RBM27: variants seen among roughly 807,000 people sequenced by gnomAD.
The protein encoded by RBM27 is RNA-binding protein 27.
A neutral mutation model predicts 135.3 loss-of-function variants in RBM27; 22 were observed. The ratio of observed to expected loss-of-function variants is 0.16; its 90% CI spans 0.12 to 0.23. RBM27 has a LOEUF of 0.23. RBM27 is among the 10% of genes least tolerant of loss of function. The pLI is 1.00. For missense variants in RBM27, 1,009 were observed against 1,281.0 expected (o/e 0.79, Z 3.24); for synonymous variants, 481 against 442.4 (o/e 1.09, Z -1.10).
intron 12 of RBM27, 51 bp from the exon 13 acceptor site, chr5:146,261,459 A>G (rs1319352255): frequency 1.3e-6 from 2 of 1,483,506 alleles, no homozygotes; most frequent in Non-Finnish European, 1.9e-6. Context: ...GTCATAATTT[A>G]TTTAACTATT....
intron 1 of RBM27, among the ~76,000 whole-genome samples, chr5:146,209,709 TG>T (rs1755855917): frequency 1.3e-5 from 2 of 152,178 alleles, no homozygotes; most frequent in Admixed American, 1.3e-4. Flanking sequence ...ATAAGTATTT[TG>T]GAGGTATATT....
rs780328127 is a variant in RBM27, at chr5:146,267,748, G to A, written c.2431G>A (p.Glu811Lys). Residue 811 changes from glutamate to lysine, a missense_variant, in exon 15 of 21, where the codon GAA (glutamate) becomes AAA (lysine). By Grantham distance (56) the Glu-to-Lys change is moderately conservative. Transcript: ENST00000265271. ...AGGGTCTAAATCTCATGATGTTCAA[G>A]AAGTGCTTAAAAAAAAACAGGTAAC... is the stretch of plus-strand genomic sequence containing the variant. Reference protein sequence around the residue: ...CSGSKSHDVQEVLKKKQEAMK... With the variant: ...CSGSKSHDVQKVLKKKQEAMK... The A allele has an allele frequency of 4.4e-6, 7 of 1,603,720 alleles. No individual in the cohort carries two copies. The highest frequency in any genetic ancestry group is 5.9e-6 in the Non-Finnish European group (7 of 1,176,736).
At chr5:146,211,030 T>C (rs1414723410) in intron 1 of RBM27, among the ~76,000 whole-genome samples, 3 of 152,106 alleles carry the variant, frequency 2.0e-5, no homozygotes, top group African/African-American at 7.2e-5. Flanking sequence ...CCCAGCACTT[T>C]AGGAGGCTGA....
intron 8 of RBM27, among the ~76,000 whole-genome samples, chr5:146,243,920 T>C (rs561070402): frequency 1.3e-5 from 2 of 152,168 alleles, no homozygotes; most frequent in South Asian, 4.1e-4. Flanking sequence ...ACTAGGAATA[T>C]ACAGATGAAT....
At chr5:146,250,940 C>T (rs1385274625) in intron 8 of RBM27, among the ~76,000 whole-genome samples, 1 of 151,880 alleles carries the variant, frequency 6.6e-6, no homozygotes, top group East Asian at 1.9e-4. Context: ...CGACGCCCAG[C>T]TAATTTTTGT....
At chr5:146,227,056 A>AT (rs1390085273) in intron 3 of RBM27, among the ~76,000 whole-genome samples, 3 of 152,180 alleles carry the variant, frequency 2.0e-5, no homozygotes, top group Non-Finnish European at 4.4e-5. Flanking sequence ...GGGATTACCC[A>AT]TTTTAACTTT....
chr5:146,212,116 C>T (rs1755985481), intron 1 of RBM27, among the ~76,000 whole-genome samples: 3 of 151,752 alleles, frequency 2.0e-5, no homozygotes, highest in African/African-American at 7.2e-5. Context: ...AGTGCAGTGG[C>T]GCAATCTCGA....
At chr5:146,276,177 G>T (rs1759084545) in intron 19 of RBM27, among the ~76,000 whole-genome samples, 1 of 150,092 alleles carries the variant, frequency 6.7e-6, no homozygotes, top group Admixed American at 6.7e-5. Flanking sequence ...CACCTCTCCA[G>T]TTTTTTTTTG....
chr5:146,211,484 TTTTTTTTTTTACTTTGAGA>T (rs1755949901), intron 1 of RBM27, among the ~76,000 whole-genome samples: 1 of 136,518 alleles, frequency 7.3e-6, no homozygotes, highest in Admixed American at 7.7e-5. Context: ...TTTTTTTTTT[TTTTTTTTTTTACTTTGAGA>T]GGAGTTTCGC....
chr5:146,263,667 T>C (rs1349535860), intron 14 of RBM27, 36 bp downstream of exon 14: 8 of 1,604,354 alleles, frequency 5.0e-6, no homozygotes, highest in Non-Finnish European at 6.8e-6. Flanking sequence ...ATATTTAGAA[T>C]CATTCAGTGA....
intron 19 of RBM27, among the ~76,000 whole-genome samples, chr5:146,281,213 G>A (rs1226993438): frequency 6.6e-6 from 1 of 151,990 alleles, no homozygotes; most frequent in African/African-American, 2.4e-5. Context: ...TGTTTTAAAT[G>A]GCCCCCGAAT....
In RBM27 at chr5:146,286,011, C is replaced by A; in HGVS notation, c.3164C>A (p.Ser1055Tyr). ...DDDEDEDEYE[S>Y]RSWRR is the part of the protein sequence containing the mutation. ...GATGAAGATGAAGATGAATATGAGT[C>A]TCGCTCATGGCGAAGATGAAATCTG... The change falls in exon 21 of 21, where the codon TCT (serine) becomes TAT (tyrosine). Residue 1055 changes from serine (S) to tyrosine (Y), a missense_variant. Coordinates refer to ENST00000265271, the MANE Select transcript of RBM27 (RefSeq NM_018989.2). 1 of 1,608,632 alleles carries A rather than the reference C, an allele frequency of 6.2e-7. No individual in the cohort carries two copies. Among genetic ancestry groups the A allele is most frequent in the Non-Finnish European group, 8.5e-7 (1 of 1,177,518 alleles).
chr5:146,237,269 A>T (rs1437514470), intron 7 of RBM27, 29 bp from the exon 8 acceptor site: 1 of 1,613,402 alleles, frequency 6.2e-7, no homozygotes, highest in Admixed American at 1.7e-5. Context: ...TTAATGCTGT[A>T]CTTTTCACTT....
At chr5:146,266,118 A>G (rs993684456) in intron 14 of RBM27, among the ~76,000 whole-genome samples, 9 of 152,206 alleles carry the variant, frequency 5.9e-5, no homozygotes, top group South Asian at 2.1e-4. Context: ...AGAATATGGT[A>G]TCAAACCAGA....
intron 19 of RBM27, among the ~76,000 whole-genome samples, chr5:146,278,942 C>A (rs1472397454): frequency 2.6e-5 from 4 of 151,524 alleles, no homozygotes; most frequent in Non-Finnish European, 5.9e-5. Flanking sequence ...AGGATGGTCT[C>A]GATCTCCTGA....
intron 8 of RBM27, among the ~76,000 whole-genome samples, chr5:146,242,536 G>A (rs919211490): frequency 6.6e-6 from 1 of 152,238 alleles, no homozygotes; most frequent in Non-Finnish European, 1.5e-5. Context: ...GACTAGTAGA[G>A]TTCCTGATAA....
At chr5:146,231,288 A>G (rs886458560) in intron 6 of RBM27, among the ~76,000 whole-genome samples, 1 of 152,116 alleles carries the variant, frequency 6.6e-6, no homozygotes, top group Non-Finnish European at 1.5e-5. Context: ...TGTTTTTAGT[A>G]GAGACAGGGT....
chr5:146,271,956 G>C (rs752737793), intron 19 of RBM27, among the ~76,000 whole-genome samples: 6 of 152,178 alleles, frequency 3.9e-5, no homozygotes, highest in Non-Finnish European at 7.4e-5. Flanking sequence ...GGCATTTATA[G>C]TTAATAGTGA....
At chr5:146,225,086 A>G (rs1044223458) in intron 3 of RBM27, among the ~76,000 whole-genome samples, 1 of 152,164 alleles carries the variant, frequency 6.6e-6, no homozygotes, top group Non-Finnish European at 1.5e-5. Flanking sequence ...AGTTTTATCA[A>G]TTGATCAAGC....
Sources: gnomAD v4.1 joint callset for allele counts (sites outside exome capture counted in the v4.1 genomes callset) on GRCh38, gnomAD v4.1.1 for gene constraint, MANE v1.5 for transcripts, NCBI Gene and HGNC (gene_info 2026-07-23, HGNC 2026-07-21) for gene names.